The following USP30 variants were observed in gnomAD, a reference collection of about 807,000 sequenced individuals.
USP30 encodes the protein ubiquitin carboxyl-terminal hydrolase 30.
A neutral mutation model predicts 68.2 loss-of-function variants in USP30; 41 were observed. That is an observed-to-expected ratio of 0.60 (90% CI 0.47 to 0.78). The LOEUF (loss-of-function observed/expected upper bound fraction) is 0.78. Ranked by LOEUF, USP30 falls within the 30% of genes least tolerant of loss-of-function variation. The pLI, the probability that USP30 is intolerant of heterozygous loss-of-function variation, is 0.00. For synonymous variants in USP30, 229 were observed against 253.7 expected, an observed-to-expected ratio of 0.90 and a Z score of 0.93; for missense variants, 522 against 649.4, an observed-to-expected ratio of 0.80 and a Z score of 2.13.
chr12:109,025,717 G>T (rs1053053422), intron 2 of USP30, among the ~76,000 whole-genome samples: 6 of 152,008 alleles, frequency 3.9e-5, no homozygotes, highest in African/African-American at 1.4e-4. Flanking sequence ...TGTCACCCAG[G>T]CTGGAGTGCA....
chr12:109,082,337 C>G (rs2041827915), intron 9 of USP30, among the ~76,000 whole-genome samples: 1 of 152,174 alleles, frequency 6.6e-6, no homozygotes, highest in African/African-American at 2.4e-5. Flanking sequence ...GCCTGACTCC[C>G]CTAAGTAACT....
At chr12:109,046,983 C>T (rs2040610910) in intron 3 of USP30, among the ~76,000 whole-genome samples, 1 of 152,064 alleles carries the variant, frequency 6.6e-6, no homozygotes, top group Non-Finnish European at 1.5e-5. Flanking sequence ...AGGGGTTGAG[C>T]CACTGCGCCC....
At chr12:109,069,380 G>A (rs2041358441) in intron 4 of USP30, among the ~76,000 whole-genome samples, 1 of 152,220 alleles carries the variant, frequency 6.6e-6, no homozygotes. Context: ...CATCTGTACA[G>A]GGCTGCACCT....
chr12:109,058,838 T>C (rs2040963700), intron 3 of USP30, among the ~76,000 whole-genome samples: 1 of 152,230 alleles, frequency 6.6e-6, no homozygotes, highest in African/African-American at 2.4e-5. Context: ...ATAAAAATGC[T>C]GTTTTTTGCC....
intron 9 of USP30, among the ~76,000 whole-genome samples, chr12:109,082,381 T>C (rs2041828763): frequency 6.6e-6 from 1 of 152,258 alleles, no homozygotes; most frequent in Admixed American, 6.5e-5. Context: ...AGGAACTGTA[T>C]GGAACAGAAT....
chr12:109,081,056 T>C (rs1256728680), intron 7 of USP30, among the ~76,000 whole-genome samples: 3 of 152,264 alleles, frequency 2.0e-5, no homozygotes, highest in Non-Finnish European at 4.4e-5. Context: ...CTTGTAGTTA[T>C]GCCCATGGTT....
intron 3 of USP30, among the ~76,000 whole-genome samples, chr12:109,028,051 C>T (rs549792524): frequency 1.3e-5 from 2 of 152,344 alleles, no homozygotes; most frequent in South Asian, 4.1e-4. Flanking sequence ...TTCTCCTCAA[C>T]ACTTGTTGAT....
At chr12:109,034,418 C>T (rs1451338381) in intron 3 of USP30, among the ~76,000 whole-genome samples, 1 of 152,084 alleles carries the variant, frequency 6.6e-6, no homozygotes, top group Non-Finnish European at 1.5e-5. Context: ...GTTTCATAAG[C>T]CACTTGAGAA....
intron 7 of USP30, among the ~76,000 whole-genome samples, chr12:109,079,938 T>C (rs993443918): frequency 6.6e-6 from 1 of 152,318 alleles, no homozygotes; most frequent in Non-Finnish European, 1.5e-5. Context: ...AATAGAGACA[T>C]AGAGAGTAGG....
rs946791537 is a variant in USP30 at position 109,057,856 on chromosome 12, G to C, written c.194-70G>C. On this transcript the variant is annotated intron_variant, in intron 2 of 12. Coordinates refer to ENST00000257548, the MANE Select transcript of USP30 (RefSeq NM_032663.5). ...TTAAGGCCACAGCGCAGGAACTCTG[G>C]GTCCCACATGGGAGAGAAATTGATC... The C allele has an allele frequency of 5.3e-6, 8 of 1,505,232 alleles. No individual in the cohort carries two copies. In the African/African-American group the frequency reaches 1.1e-4, roughly 21 times the overall value. 93.2% of individuals were successfully genotyped at this position (1,505,232 alleles called of 1,614,324 possible).
intron 3 of USP30, among the ~76,000 whole-genome samples, chr12:109,067,014 A>G (rs1287690920): frequency 7.9e-5 from 12 of 152,206 alleles, no homozygotes. Flanking sequence ...TTCATTCAGT[A>G]AACATAAATG....
chr12:109,058,032 C>T lies in USP30; in HGVS notation c.300C>T (p.Thr100=), dbSNP rs141059579. The part of the protein sequence containing the change: ...PAFIRWLEEF[T]SQYSRDQKEP... ...TCATCAGGTGGCTGGAAGAGTTCACCTCCCAGTACTCCAGGGATCAGAAGG... is the reference window on the plus strand; with the variant it reads ...TCATCAGGTGGCTGGAAGAGTTCACTTCCCAGTACTCCAGGGATCAGAAGG... Residue 100 remains threonine (T), a synonymous_variant, in exon 3 of 13, where the codon ACC becomes ACT. Transcript: ENST00000257548. 11 of 1,614,180 alleles carry T rather than the reference C, an allele frequency of 6.8e-6. No homozygotes were observed. The highest frequency in any genetic ancestry group is 9.3e-6 in the Non-Finnish European group (11 of 1,180,040).
Position 109,052,658 on chromosome 12 carries a change from C to T in USP30, c.-21C>T, listed in dbSNP as rs775876815. On this transcript the variant is annotated 5_prime_UTR_variant, in exon 1 of 13. Transcript: ENST00000257548. ...GCGGCGGTAGCGGAGGAGACGGTTT[C>T]AGGCCTCCGGTGCGGCTGCAATGCT... 6.7e-6 allele frequency: 10 copies of T among 1,492,822 alleles called. No homozygotes were observed. The highest frequency in any genetic ancestry group is 8.9e-6 in the Non-Finnish European group (10 of 1,127,080). The allele number at this position is 1,492,822 out of a possible 1,614,324, so 92.5% of individuals were successfully genotyped here. A position where few individuals can be genotyped will look rare whatever the true frequency, so the allele number is the denominator to read the frequency against.
At chr12:109,035,041 A>G (rs1444243601) in intron 3 of USP30, among the ~76,000 whole-genome samples, 1 of 152,188 alleles carries the variant, frequency 6.6e-6, no homozygotes, top group Non-Finnish European at 1.5e-5. Context: ...TGAAGATAGA[A>G]TATAGTTGGA....
At chr12:109,048,750 A>AAAAAC (rs2040630987), upstream of USP30, among the ~76,000 whole-genome samples, 1 of 151,910 alleles carries the variant, frequency 6.6e-6, no homozygotes, top group Non-Finnish European at 1.5e-5. Context: ...AAAAAAAAAA[A>AAAAAC]AAACAAAAAA....
intron 3 of USP30, among the ~76,000 whole-genome samples, chr12:109,042,061 GT>G (rs1218215053): frequency 4.0e-5 from 6 of 151,452 alleles, no homozygotes; most frequent in Admixed American, 3.9e-4. Flanking sequence ...ATAACCCAGA[GT>G]GACCACTTAA....
upstream of USP30, among the ~76,000 whole-genome samples, chr12:109,048,550 G>A (rs990902104): frequency 3.3e-5 from 5 of 151,798 alleles, no homozygotes; most frequent in African/African-American, 1.2e-4. Context: ...GACCAGCCTG[G>A]CCAACATGGC....
At position 109,086,707 on chromosome 12, in the gene USP30, C is replaced by T. The variant is rs1226975944; in HGVS notation, c.*776C>T. ...AGAACTGAGCTGGATCTTTGCAACA[C>T]CTGATTCCTCTGCTCTGTGGAAAAC... On this transcript the variant is annotated 3_prime_UTR_variant, in exon 13 of 13. Transcript: ENST00000257548. 6.6e-6 allele frequency: 1 copy of T among 152,236 alleles called. No homozygotes were observed. The highest frequency in any genetic ancestry group is 2.4e-5 in the African/African-American group (1 of 41,458). The allele number at this position is 152,236 out of a possible 1,614,324, so 9.4% of individuals were successfully genotyped here.
intron 3 of USP30, among the ~76,000 whole-genome samples, chr12:109,062,398 G>A (rs1204152439): frequency 7.4e-6 from 1 of 134,394 alleles, no homozygotes; most frequent in Non-Finnish European, 1.5e-5. Flanking sequence ...GCGGTGGCAT[G>A]ATCTCGGCTC....
Sources: gnomAD v4.1 joint callset for allele counts (sites outside exome capture counted in the v4.1 genomes callset) on GRCh38, gnomAD v4.1.1 for gene constraint, MANE v1.5 for transcripts, NCBI Gene and HGNC (gene_info 2026-07-23, HGNC 2026-07-21) for gene names.